The following TF variants were observed in gnomAD, a reference collection of about 807,000 sequenced individuals.
The protein encoded by TF is serotransferrin.
In TF, 55 loss-of-function variants were observed where a neutral mutation model predicts 82.4. The ratio of observed to expected loss-of-function variants is 0.67; its 90% CI spans 0.54 to 0.84. The LOEUF (loss-of-function observed/expected upper bound fraction) is 0.84. Ranked by LOEUF, TF falls within the 40% of genes least tolerant of loss-of-function variation. The probability of loss-of-function intolerance (pLI) is 0.00; values close to 1 mark genes in which losing one functional copy is unlikely to be tolerated. For missense variants in TF, 737 were observed against 868.4 expected (o/e 0.85, Z 1.90); for synonymous variants, 332 against 332.6 (o/e 1.00, Z 0.02).
At chr3:133,702,425 A>G in the TF span, among the ~76,000 whole-genome samples, 76 of 152,110 alleles carry the variant, frequency 5.0e-4, no homozygotes, top group African/African-American at 1.8e-3. Flanking sequence ...CAATCCTTTA[A>G]TTGTAAGTTT....
At chr3:133,679,668 G>C in the TF span, among the ~76,000 whole-genome samples, 26 of 143,172 alleles carry the variant, frequency 1.8e-4, no homozygotes, top group Admixed American at 9.6e-4. Context: ...TTATTGGGTA[G>C]TACTCTATTG....
chr3:133,769,343 G>A (rs1934203948), intron 13 of TF, among the ~76,000 whole-genome samples: 1 of 152,096 alleles, frequency 6.6e-6, no homozygotes, highest in South Asian at 2.1e-4. Flanking sequence ...AGAGTTTGGG[G>A]GACTTAAAAT....
chr3:133,713,999 G>A, the TF span, among the ~76,000 whole-genome samples: 1 of 152,242 alleles, frequency 6.6e-6, no homozygotes, highest in African/African-American at 2.4e-5. Flanking sequence ...AACCAAGGGA[G>A]GTGATGCATC....
chr3:133,775,414 A>G lies in TF; in HGVS notation c.1688-19A>G. ...CTTGACCAAAGCCATCAGCTGAACC[A>G]CCTTCTTCCTGTCCCTAGGAAAAAA... is the stretch of plus-strand genomic sequence containing the variant. On this transcript the variant is annotated intron_variant, in intron 14 of 16. Transcript: ENST00000402696. 7 of 1,614,086 alleles carry G rather than the reference A, an allele frequency of 4.3e-6. No individual in the cohort carries two copies. The highest frequency in any genetic ancestry group is 1.7e-5 in the Admixed American group (1 of 60,020).
the TF span, among the ~76,000 whole-genome samples, chr3:133,718,853 T>C: frequency 6.6e-6 from 1 of 152,148 alleles, no homozygotes; most frequent in African/African-American, 2.4e-5. Context: ...TAGAGACACA[T>C]GTAAGACAAG....
the TF span, among the ~76,000 whole-genome samples, chr3:133,669,739 C>T: frequency 2.0e-5 from 3 of 152,230 alleles, no homozygotes; most frequent in African/African-American, 7.2e-5. Flanking sequence ...CCACTCCCAC[C>T]CTAACAAATC....
At chr3:133,721,447 A>G in the TF span, among the ~76,000 whole-genome samples, 2 of 152,146 alleles carry the variant, frequency 1.3e-5, no homozygotes, top group Admixed American at 1.3e-4. Context: ...GGTTAGAAAA[A>G]ATACTTTGTA....
At chr3:133,694,823 C>G in the TF span, among the ~76,000 whole-genome samples, 1 of 151,938 alleles carries the variant, frequency 6.6e-6, no homozygotes, top group Non-Finnish European at 1.5e-5. Context: ...AGTTATTAGT[C>G]TCCATGTAAA....
At chr3:133,720,000 T>A in the TF span, among the ~76,000 whole-genome samples, 1 of 152,200 alleles carries the variant, frequency 6.6e-6, no homozygotes, top group South Asian at 2.1e-4. Flanking sequence ...CTTTTTTTGA[T>A]GGAGTTTTTA....
chr3:133,770,612 T>A, intron 14 of TF, 40 bp downstream of exon 14: 1 of 1,598,896 alleles, frequency 6.3e-7, no homozygotes, highest in Non-Finnish European at 8.6e-7. Flanking sequence ...GATCACTAGA[T>A]CCTGGTCACT....
chr3:133,738,263 C>G, the TF span, among the ~76,000 whole-genome samples: 1 of 152,116 alleles, frequency 6.6e-6, no homozygotes, highest in East Asian at 1.9e-4. Flanking sequence ...AATTCAACAC[C>G]CTTTCATGCT....
the TF span, among the ~76,000 whole-genome samples, chr3:133,736,625 GAAAGCCAAAAAA>G: frequency 8.2e-5 from 1 of 12,166 alleles, no homozygotes; most frequent in East Asian, 3.8e-3. Context: ...CAAGCAAATG[GAAAGCCAAAAAA>G]AAAAAAAAAA....
the TF span, among the ~76,000 whole-genome samples, chr3:133,733,575 T>C: frequency 1.3e-5 from 2 of 152,044 alleles, no homozygotes; most frequent in African/African-American, 4.8e-5. Context: ...GAAAATATGG[T>C]GATGAGAAAA....
chr3:133,678,851 TTTTTGTTTTGTTTTG>T, the TF span, among the ~76,000 whole-genome samples: 216 of 149,438 alleles, frequency 1.4e-3, 5 homozygotes, highest in Middle Eastern at 0.021. Context: ...GCCCAGCTAT[TTTTTGTTTTGTTTTG>T]TTTTGTTTTG....
the TF span, among the ~76,000 whole-genome samples, chr3:133,736,476 G>C: frequency 6.6e-6 from 1 of 151,934 alleles, no homozygotes; most frequent in African/African-American, 2.4e-5. Context: ...ATGTAAACGG[G>C]CTAAGTGCCC....
intron 9 of TF, among the ~76,000 whole-genome samples, chr3:133,759,856 TGGCTTACAGAGA>T (rs1326571933): frequency 2.0e-5 from 3 of 152,132 alleles, no homozygotes; most frequent in African/African-American, 7.2e-5. Context: ...TATTCCATGT[TGGCTTACAGAGA>T]ATTTTTAAAA....
rs1226017523 is a variant in TF at position 133,780,287 on chromosome 3, G to A, written c.*1667G>A. On this transcript the variant is annotated 3_prime_UTR_variant, in exon 17 of 17. Coordinates refer to ENST00000402696, the MANE Select transcript of TF (RefSeq NM_001063.4). ...ATAACTCTGCCTTTTCCTTTGTTTG[G>A]TGAGATACCCCATGGCTCCCCTGGG... 6.6e-6 allele frequency: 1 copy of A among 152,064 alleles called. No homozygotes were observed. Among genetic ancestry groups the A allele is most frequent in the South Asian group, 2.1e-4 (1 of 4,822 alleles). The allele number at this position is 152,064 out of a possible 1,614,324, so 9.4% of individuals were successfully genotyped here.
At chr3:133,672,030 G>A in the TF span, among the ~76,000 whole-genome samples, 10 of 151,878 alleles carry the variant, frequency 6.6e-5, no homozygotes, top group African/African-American at 2.4e-4. Flanking sequence ...ACTAATATCA[G>A]CAATGAAAAT....
chr3:133,722,048 T>C, the TF span, among the ~76,000 whole-genome samples: 1 of 151,972 alleles, frequency 6.6e-6, no homozygotes, highest in Admixed American at 6.6e-5. Flanking sequence ...CTCGGCTAAT[T>C]TTTTTGTATT....
Sources: allele counts gnomAD v4.1 joint callset (sites outside exome capture counted in the v4.1 genomes callset), GRCh38; gene constraint gnomAD v4.1.1; transcripts MANE v1.5; gene names NCBI Gene and HGNC (gene_info 2026-07-23, HGNC 2026-07-21).